The following TOGARAM1 variants were observed in gnomAD, a reference collection of about 807,000 sequenced individuals.
TOGARAM1 encodes TOG array regulator of axonemal microtubules protein 1.
In TOGARAM1, 100 loss-of-function variants were observed where a neutral mutation model predicts 166.6. That is an observed-to-expected ratio of 0.60 (90% CI 0.51 to 0.71). The LOEUF is 0.71. Among genes scored for constraint, TOGARAM1 ranks in the 30% least tolerant of loss-of-function variants. The probability of loss-of-function intolerance (pLI) is 0.00; values close to 1 mark genes in which losing one functional copy is unlikely to be tolerated. For missense variants in TOGARAM1, 2,029 were observed against 2,102.7 expected (o/e 0.96, Z 0.69); for synonymous variants, 758 against 763.8 (o/e 0.99, Z 0.13).
intron 18 of TOGARAM1, among the ~76,000 whole-genome samples, chr14:45,069,668 A>T (rs1482652520): frequency 6.6e-6 from 1 of 152,192 alleles, no homozygotes; most frequent in Non-Finnish European, 1.5e-5. Flanking sequence ...TAAGGCCATG[A>T]TCACCACACA....
At chr14:45,062,743 G>T (rs1471712944) in intron 16 of TOGARAM1, among the ~76,000 whole-genome samples, 1 of 152,138 alleles carries the variant, frequency 6.6e-6, no homozygotes, top group Non-Finnish European at 1.5e-5. Context: ...CCCAGTATAG[G>T]ATAATGTAAG....
At chr14:45,052,141 C>T (rs73353641) in intron 14 of TOGARAM1, among the ~76,000 whole-genome samples, 8,288 of 152,176 alleles carry the variant, frequency 0.054, 297 homozygotes, top group East Asian at 0.11. Context: ...CTGCATATGA[C>T]TAGCCATGGA....
At position 45,000,748 on chromosome 14, in the gene TOGARAM1, T is replaced by C. The variant is rs1887656481; in HGVS notation, c.2338+1251T>C. Among the ~76,000 whole-genome samples the C allele has an allele frequency of 2.0e-5, 3 of 152,262 alleles. No homozygotes were observed. In the South Asian group the frequency reaches 6.2e-4, roughly 32 times the overall value. ...GGATTGCTGGATCATATGGTAGTTG[T>C]ATTTTTAGTTTTTTGAGGCAGGGTC... On this transcript the variant is annotated intron_variant, in intron 3 of 19. Transcript: ENST00000361462.
chr14:45,033,821 C>A (rs80178916), intron 11 of TOGARAM1, among the ~76,000 whole-genome samples: 3,161 of 152,144 alleles, frequency 0.021, 118 homozygotes, highest in African/African-American at 0.072. Flanking sequence ...CTGTATTTGC[C>A]CTCATAACGT....
At chr14:45,016,876 A>G (rs142950477) in intron 7 of TOGARAM1, among the ~76,000 whole-genome samples, 6 of 152,228 alleles carry the variant, frequency 3.9e-5, no homozygotes, top group Non-Finnish European at 8.8e-5. Flanking sequence ...TTAAAAGGTT[A>G]GAAGTTGAGA....
rs975574421 is a variant in TOGARAM1, at chr14:45,027,927, G to A, written c.3505-249G>A. 1.0e-4 allele frequency among the ~76,000 whole-genome samples: 15 copies of A among 150,710 alleles called. No individual in the cohort carries two copies. In the East Asian group the frequency reaches 1.6e-3, roughly 16 times the overall value. On this transcript the variant is annotated intron_variant, in intron 9 of 19. Transcript: ENST00000361462. ...TTAATCATTTAAATATAGATTATTC[G>A]TCCTTCCCACTTAATAAAGGCATTC...
At chr14:45,023,960 C>T (rs574570595) in intron 7 of TOGARAM1, among the ~76,000 whole-genome samples, 4 of 152,252 alleles carry the variant, frequency 2.6e-5, no homozygotes, top group South Asian at 2.1e-4. Context: ...AGGCTGGTCT[C>T]GAACTCCTGA....
At chr14:45,071,507 A>G (rs1368751778) in intron 18 of TOGARAM1, among the ~76,000 whole-genome samples, 1 of 152,124 alleles carries the variant, frequency 6.6e-6, no homozygotes, top group Non-Finnish European at 1.5e-5. Context: ...CTCTCACCTC[A>G]GCCTCCCAAG....
intron 18 of TOGARAM1, 36 bp downstream of exon 18, chr14:45,068,679 A>G (rs2139007009): frequency 6.8e-7 from 1 of 1,470,506 alleles, no homozygotes. Context: ...AATTATTTTC[A>G]CTTTCTTTTC....
intron 13 of TOGARAM1, among the ~76,000 whole-genome samples, chr14:45,045,579 ATATATGTGTGTGTGTGTG>A (rs1271874728): frequency 2.9e-5 from 1 of 34,986 alleles, no homozygotes; most frequent in Admixed American, 3.6e-4. Context: ...ATATATATAT[ATATATGTGTGTGTGTGTG>A]TGTGTGTGTG....
At chr14:45,068,282 T>C in intron 17 of TOGARAM1, 142 bp from the exon 18 acceptor site, 1 of 549,928 alleles carries the variant, frequency 1.8e-6, no homozygotes, top group East Asian at 3.3e-5. Context: ...GTTCCTGTTA[T>C]CCAAGTTCAG....
intron 1 of TOGARAM1, among the ~76,000 whole-genome samples, chr14:44,970,548 T>C (rs1259029982): frequency 5.3e-5 from 8 of 152,190 alleles, no homozygotes; most frequent in African/African-American, 1.9e-4. Context: ...TCTTGTCTTA[T>C]TGCATTAGTT....
At position 45,006,179 on chromosome 14, in the gene TOGARAM1, C is replaced by A. The variant is rs1879414911; in HGVS notation, c.2816C>A (p.Pro939His). The change falls in exon 5 of 20, where the codon CCT (proline) becomes CAT (histidine). Residue 939 changes from proline to histidine, a missense_variant. By Grantham distance (77) the Pro-to-His change is moderately conservative. This residue lies in a region of TOGARAM1 where 1,453 missense variants were observed against 1,432.2 expected (regional missense o/e 1.01). Transcript: ENST00000361462. ...LSTVGHKKKE[P>H]DDIWKCEKDS... ...ACAGTGGGACACAAAAAGAAAGAGCCTGATGATATTTGGAAGTGTGAAAAA... is the reference window on the plus strand; with the variant it reads ...ACAGTGGGACACAAAAAGAAAGAGCATGATGATATTTGGAAGTGTGAAAAA... 1 of 1,613,886 alleles carries A rather than the reference C, an allele frequency of 6.2e-7. No homozygotes were observed. Among genetic ancestry groups the A allele is most frequent in the East Asian group, 2.2e-5 (1 of 44,862 alleles).
At chr14:45,011,889 TA>T in intron 6 of TOGARAM1, 85 bp from the exon 7 acceptor site, 1 of 915,068 alleles carries the variant, frequency 1.1e-6, no homozygotes, top group Non-Finnish European at 1.7e-6. Context: ...GTCTGTGAGT[TA>T]ATAAGGAGAA....
intron 6 of TOGARAM1, 65 bp from the exon 7 acceptor site, chr14:45,011,910 T>C (rs1277858195): frequency 2.7e-6 from 3 of 1,094,938 alleles, no homozygotes; most frequent in Admixed American, 2.2e-5. Context: ...ATAGACAATA[T>C]GTGATGTGAG....
At position 44,992,611 on chromosome 14, in the gene TOGARAM1, CTTTTTTTTT is replaced by C. The variant is rs376434047; in HGVS notation, c.2047-3118_2047-3110del. On this transcript the variant is annotated intron_variant, in intron 1 of 19. Coordinates refer to ENST00000361462, the MANE Select transcript of TOGARAM1 (RefSeq NM_001308120.2). ...TTAAACAAGAGTAAATTTTTGTAAT[CTTTTTTTTT>C]TTTTTTTTTTTTTTTTGAGATGAGT... 1.5e-3 allele frequency among the ~76,000 whole-genome samples: 134 copies of C among 91,318 alleles called. 1 individual carries two copies. The highest frequency in any genetic ancestry group is 0.019 in the Middle Eastern group (2 of 106). The allele number at this position is 91,318 out of a possible 152,430, so 59.9% of individuals were successfully genotyped here.
intron 11 of TOGARAM1, among the ~76,000 whole-genome samples, chr14:45,041,474 A>G (rs535536818): frequency 2.6e-5 from 4 of 152,344 alleles, no homozygotes; most frequent in Admixed American, 1.3e-4. Flanking sequence ...AGTTTTTACG[A>G]AGATACCAAT....
In TOGARAM1 at chr14:45,032,447, C is replaced by A. The variant is rs192053325; in HGVS notation, c.3812+71C>A. The A allele has an allele frequency of 3.2e-4, 426 of 1,351,544 alleles. No homozygotes were observed. The Middle Eastern group carries it at 6.0e-3, about 19-fold the overall frequency. The allele number at this position is 1,351,544 out of a possible 1,614,324, so 83.7% of individuals were successfully genotyped here. On this transcript the variant is annotated intron_variant, in intron 11 of 19. Transcript: ENST00000361462. ...TTTCTGTAAATATTTAATTAAAAATCTTGAAACACATTTTCTATTAAAATA... is the reference window on the plus strand; with the variant it reads ...TTTCTGTAAATATTTAATTAAAAATATTGAAACACATTTTCTATTAAAATA...
At chr14:45,028,443 C>G in intron 10 of TOGARAM1, 114 bp downstream of exon 10, 1 of 1,123,712 alleles carries the variant, frequency 8.9e-7, no homozygotes, top group South Asian at 1.5e-5. Context: ...TTATATAACA[C>G]CGAAATTTGC....
Sources: gnomAD v4.1 joint callset for allele counts (sites outside exome capture counted in the v4.1 genomes callset) on GRCh38, gnomAD v4.1.1 for gene constraint, gnomAD v4.1.1 regional missense constraint, MANE v1.5 for transcripts, NCBI Gene and HGNC (gene_info 2026-07-23, HGNC 2026-07-21) for gene names.